The following SPAG16 variants were observed in gnomAD, a reference collection of about 807,000 sequenced individuals.
The protein encoded by SPAG16 is sperm associated antigen 16, also known as sperm-associated antigen 16 protein.
SPAG16 carries 86 observed loss-of-function variants against 80.4 expected under a neutral mutation model. The ratio of observed to expected loss-of-function variants is 1.07; its 90% confidence interval spans 0.90 to 1.28. SPAG16 has a LOEUF of 1.28. Ranked by LOEUF, SPAG16 falls within the 50% of genes most tolerant of loss-of-function variation. The pLI, the probability that SPAG16 is intolerant of heterozygous loss-of-function variation, is 0.00. For synonymous variants in SPAG16, 294 were observed against 265.9 expected, an observed-to-expected ratio of 1.11 and a Z score of -1.03; for missense variants, 870 against 765.3, an observed-to-expected ratio of 1.14 and a Z score of -1.61.
intron 11 of SPAG16, among the ~76,000 whole-genome samples, chr2:213,890,814 A>G (rs11684659): frequency 0.027 from 4,136 of 152,016 alleles, 80 homozygotes; most frequent in Middle Eastern, 0.044. Flanking sequence ...TTGCTCATCT[A>G]TCTTTTCATT....
chr2:213,808,021 A>G (rs988469914), intron 10 of SPAG16, among the ~76,000 whole-genome samples: 10 of 152,206 alleles, frequency 6.6e-5, no homozygotes, highest in Non-Finnish European at 1.2e-4. Flanking sequence ...TTTAAATTAG[A>G]ATCAAGAAAC....
chr2:213,368,175 G>A (rs2066421418), intron 8 of SPAG16, among the ~76,000 whole-genome samples: 2 of 152,200 alleles, frequency 1.3e-5, no homozygotes, highest in Admixed American at 6.5e-5. Context: ...GTACCATGCT[G>A]TTTTGGTTAC....
intron 15 of SPAG16, among the ~76,000 whole-genome samples, chr2:214,389,309 C>T (rs931463615): frequency 4.6e-5 from 7 of 152,124 alleles, no homozygotes; most frequent in African/African-American, 1.7e-4. Context: ...CTAGTTCTAC[C>T]AAAATTTGTG....
chr2:214,390,101 AACAAT>A (rs1393997626), intron 15 of SPAG16, among the ~76,000 whole-genome samples: 2 of 152,200 alleles, frequency 1.3e-5, no homozygotes, highest in Non-Finnish European at 2.9e-5. Context: ...AAATGTATGA[AACAAT>A]ACAATTTTTC....
At chr2:214,098,958 A>G (rs530820367) in intron 13 of SPAG16, among the ~76,000 whole-genome samples, 8 of 152,156 alleles carry the variant, frequency 5.3e-5, no homozygotes, top group African/African-American at 1.9e-4. Context: ...TGATAATAGC[A>G]TTAGAAACAT....
At chr2:214,261,658 G>A (rs1044293661) in intron 15 of SPAG16, among the ~76,000 whole-genome samples, 4 of 152,068 alleles carry the variant, frequency 2.6e-5, no homozygotes, top group Non-Finnish European at 5.9e-5. Context: ...GTAACAATAT[G>A]TATTTTAACA....
chr2:213,563,695 T>G (rs1297994216), intron 10 of SPAG16, among the ~76,000 whole-genome samples: 1 of 152,226 alleles, frequency 6.6e-6, no homozygotes, highest in Admixed American at 6.5e-5. Context: ...AGTTTCAACA[T>G]GTGAATTTTG....
intron 15 of SPAG16, among the ~76,000 whole-genome samples, chr2:214,390,786 G>A (rs1701034586): frequency 6.6e-6 from 1 of 152,142 alleles, no homozygotes; most frequent in Non-Finnish European, 1.5e-5. Flanking sequence ...TTCCATTGGA[G>A]AGCAAGATCA....
intron 15 of SPAG16, among the ~76,000 whole-genome samples, chr2:214,285,700 G>C (rs1693305515): frequency 6.6e-6 from 1 of 152,128 alleles, no homozygotes; most frequent in South Asian, 2.1e-4. Context: ...CTACTCAGGA[G>C]GCTGAGGCAG....
At chr2:213,290,780 G>A (rs1412044273) in intron 1 of SPAG16, among the ~76,000 whole-genome samples, 2 of 152,300 alleles carry the variant, frequency 1.3e-5, no homozygotes, top group East Asian at 1.9e-4. Context: ...GAACCAGAGT[G>A]TACAGAGTTT....
intron 5 of SPAG16, among the ~76,000 whole-genome samples, chr2:213,329,246 G>A (rs1391278536): frequency 6.6e-6 from 1 of 152,206 alleles, no homozygotes; most frequent in Non-Finnish European, 1.5e-5. Context: ...AACAGGCAGA[G>A]GTTGGAACAG....
chr2:213,988,727 G>A (rs1188458858), intron 12 of SPAG16, among the ~76,000 whole-genome samples: 1 of 151,100 alleles, frequency 6.6e-6, no homozygotes, highest in African/African-American at 2.4e-5. Context: ...AAATACACAG[G>A]TATAACTCTA....
chr2:213,957,666 C>CT (rs2106341652), intron 12 of SPAG16, among the ~76,000 whole-genome samples: 1 of 152,108 alleles, frequency 6.6e-6, no homozygotes, highest in East Asian at 1.9e-4. Context: ...ATATTCTTTT[C>CT]TTTATTTCCA....
intron 15 of SPAG16, among the ~76,000 whole-genome samples, chr2:214,214,736 G>T (rs79422976): frequency 0.053 from 8,060 of 151,288 alleles, 279 homozygotes; most frequent in Middle Eastern, 0.11. Flanking sequence ...TATAAAATTA[G>T]GTATATTTAT....
chr2:213,819,423 C>G (rs2072788736), intron 10 of SPAG16, among the ~76,000 whole-genome samples: 1 of 152,166 alleles, frequency 6.6e-6, no homozygotes, highest in Non-Finnish European at 1.5e-5. Flanking sequence ...TGATTATTAT[C>G]TGTCTTCCTT....
rs771948979 is a variant in SPAG16 at position 213,930,162 on chromosome 2, A to T, written c.1400+17A>T. 6.2e-7 allele frequency: 1 copy of T among 1,604,846 alleles called. No individual in the cohort carries two copies. Among genetic ancestry groups the T allele is most frequent in the African/African-American group, 1.3e-5 (1 of 74,772 alleles). On this transcript the variant is annotated intron_variant, in intron 12 of 15. Coordinates refer to ENST00000331683, the MANE Select transcript of SPAG16 (RefSeq NM_024532.5). ...TGTTAATAGGTAAGAAGTACTTTAAACATTACTAATCCTCTGTGCTGATAC... is the reference window on the plus strand; with the variant it reads ...TGTTAATAGGTAAGAAGTACTTTAATCATTACTAATCCTCTGTGCTGATAC...
intron 15 of SPAG16, among the ~76,000 whole-genome samples, chr2:214,354,892 A>AT (rs1698671412): frequency 6.6e-6 from 1 of 151,992 alleles, no homozygotes; most frequent in South Asian, 2.1e-4. Context: ...GCTTAAGGAG[A>AT]TTTTGGGCTG....
At chr2:213,967,650 C>A (rs1428372529) in intron 12 of SPAG16, among the ~76,000 whole-genome samples, 1 of 151,740 alleles carries the variant, frequency 6.6e-6, no homozygotes, top group Non-Finnish European at 1.5e-5. Context: ...ATGTCTTAAC[C>A]CCTGCTATGA....
intron 6 of SPAG16, among the ~76,000 whole-genome samples, chr2:213,346,804 G>A (rs1233261443): frequency 1.3e-5 from 2 of 150,516 alleles, no homozygotes; most frequent in Non-Finnish European, 2.9e-5. Context: ...GAGGATTTTT[G>A]CATCGATGTT....
Sources: gnomAD v4.1 joint callset for allele counts (sites outside exome capture counted in the v4.1 genomes callset) on GRCh38, gnomAD v4.1.1 for gene constraint, MANE v1.5 for transcripts, NCBI Gene and HGNC (gene_info 2026-07-23, HGNC 2026-07-21) for gene names.